GRID1: variants seen among roughly 807,000 people sequenced by gnomAD.
GRID1 encodes the protein glutamate receptor ionotropic, delta-1.
In GRID1, 28 loss-of-function variants were observed where a neutral mutation model predicts 98.0. That is an observed-to-expected ratio of 0.29 (90% confidence interval 0.21 to 0.39). GRID1 has a LOEUF of 0.39. Ranked by LOEUF, GRID1 falls within the 10% of genes least tolerant of loss-of-function variation. The pLI is 1.00. For synonymous variants in GRID1, 553 were observed against 538.5 expected (o/e 1.03, Z -0.37); for missense variants, 1,111 against 1,340.5 (o/e 0.83, Z 2.67).
chr10:85,963,039 G>A (rs1842290676), intron 4 of GRID1, among the ~76,000 whole-genome samples: 1 of 152,176 alleles, frequency 6.6e-6, no homozygotes, highest in Non-Finnish European at 1.5e-5. Context: ...CCCAGCCAGG[G>A]AAGTCTGGAA....
chr10:86,197,537 G>C (rs1032208153), intron 3 of GRID1, among the ~76,000 whole-genome samples: 2 of 152,078 alleles, frequency 1.3e-5, no homozygotes, highest in African/African-American at 4.8e-5. Context: ...TCTGGCAGGA[G>C]GGGGATATCA....
At chr10:85,868,939 G>T in intron 6 of GRID1, 71 bp downstream of exon 6, 1 of 1,343,304 alleles carries the variant, frequency 7.4e-7, no homozygotes, top group Non-Finnish European at 1.1e-6. Flanking sequence ...GCCCCCACAT[G>T]TCTCCCTTGG....
chr10:86,343,503 T>C (rs1252460043), intron 2 of GRID1, among the ~76,000 whole-genome samples: 1 of 152,238 alleles, frequency 6.6e-6, no homozygotes, highest in African/African-American at 2.4e-5. Context: ...ATAGGTACCA[T>C]CGCTCCACTG....
chr10:85,843,915 C>T (rs2131773381), intron 8 of GRID1, among the ~76,000 whole-genome samples: 1 of 152,066 alleles, frequency 6.6e-6, no homozygotes, highest in Middle Eastern at 3.4e-3. Flanking sequence ...TACCATATGA[C>T]ACAGCAATTG....
intron 4 of GRID1, among the ~76,000 whole-genome samples, chr10:85,962,767 T>C (rs1298707087): frequency 1.3e-5 from 2 of 152,196 alleles, no homozygotes; most frequent in Non-Finnish European, 2.9e-5. Flanking sequence ...TAAAAATTTA[T>C]GAAACCACTC....
chr10:86,329,713 T>C (rs967282806), intron 2 of GRID1, among the ~76,000 whole-genome samples: 1 of 152,152 alleles, frequency 6.6e-6, no homozygotes, highest in Admixed American at 6.5e-5. Flanking sequence ...AGGGCCCTGC[T>C]GGGGGTCTCT....
At chr10:86,050,173 CA>C (rs1357388192) in intron 4 of GRID1, among the ~76,000 whole-genome samples, 1 of 152,196 alleles carries the variant, frequency 6.6e-6, no homozygotes, top group Non-Finnish European at 1.5e-5. Flanking sequence ...GACAGGGCGT[CA>C]GTAACACTTT....
intron 8 of GRID1, among the ~76,000 whole-genome samples, chr10:85,733,849 G>A (rs978426900): frequency 2.0e-5 from 3 of 152,144 alleles, no homozygotes; most frequent in African/African-American, 7.2e-5. Context: ...ACGTTAAAAT[G>A]TGATACGTGG....
At chr10:85,666,888 T>C (rs58566615) in intron 12 of GRID1, among the ~76,000 whole-genome samples, 6,835 of 152,210 alleles carry the variant, frequency 0.045, 469 homozygotes, top group African/African-American at 0.15. Context: ...TGGGCTGCCT[T>C]GCCCCTCACT....
chr10:85,892,692 G>A (rs1020330962), intron 5 of GRID1, among the ~76,000 whole-genome samples: 1 of 151,738 alleles, frequency 6.6e-6, no homozygotes, highest in Non-Finnish European at 1.5e-5. Flanking sequence ...TAAAAAAATA[G>A]AATGTGTTCT....
chr10:86,310,450 T>C (rs1469224128), intron 2 of GRID1, among the ~76,000 whole-genome samples: 1 of 152,020 alleles, frequency 6.6e-6, no homozygotes, highest in East Asian at 1.9e-4. Context: ...GGTAGAGGGG[T>C]GGGCAGCAAG....
intron 4 of GRID1, among the ~76,000 whole-genome samples, chr10:86,043,772 T>C (rs1843381072): frequency 6.6e-6 from 1 of 152,258 alleles, no homozygotes; most frequent in South Asian, 2.1e-4. Flanking sequence ...GTTTCCCAAA[T>C]GTCAGCCCTT....
chr10:85,729,009 T>C (rs1157711896), intron 9 of GRID1, among the ~76,000 whole-genome samples: 1 of 152,190 alleles, frequency 6.6e-6, no homozygotes, highest in East Asian at 1.9e-4. Context: ...CTCTTACAAA[T>C]GCAAAAGTCT....
At chr10:85,923,244 G>A (rs1249520657) in intron 4 of GRID1, among the ~76,000 whole-genome samples, 1 of 152,176 alleles carries the variant, frequency 6.6e-6, no homozygotes, top group Non-Finnish European at 1.5e-5. Context: ...TGGGCAGAGG[G>A]AAAAGCAGTT....
chr10:86,293,493 G>A (rs1847545142), intron 2 of GRID1, among the ~76,000 whole-genome samples: 1 of 152,230 alleles, frequency 6.6e-6, no homozygotes, highest in Non-Finnish European at 1.5e-5. Flanking sequence ...ACTTGGCTCT[G>A]CCAAGCAGAG....
intron 3 of GRID1, among the ~76,000 whole-genome samples, chr10:86,151,256 C>T (rs768354392): frequency 1.1e-4 from 16 of 152,158 alleles, no homozygotes; most frequent in Non-Finnish European, 4.4e-5. Flanking sequence ...GTTTGCAATG[C>T]TGAGGTAGGT....
intron 2 of GRID1, among the ~76,000 whole-genome samples, chr10:86,207,820 C>G (rs61857810): frequency 1.3e-5 from 2 of 151,918 alleles, no homozygotes; most frequent in Non-Finnish European, 2.9e-5. Context: ...TTAGTAGAGA[C>G]GGAGTTTCAC....
intron 8 of GRID1, among the ~76,000 whole-genome samples, chr10:85,809,892 C>T (rs577373092): frequency 1.3e-5 from 2 of 152,192 alleles, no homozygotes; most frequent in Non-Finnish European, 2.9e-5. Flanking sequence ...GTAGTCTTTA[C>T]TACAGAAGAA....
chr10:86,241,655 C>G (rs1230730754), intron 2 of GRID1, among the ~76,000 whole-genome samples: 1 of 152,216 alleles, frequency 6.6e-6, no homozygotes, highest in Non-Finnish European at 1.5e-5. Flanking sequence ...ATCAATAGAT[C>G]TTTAATTTTC....
Sources: allele counts gnomAD v4.1 joint callset (sites outside exome capture counted in the v4.1 genomes callset), GRCh38; gene constraint gnomAD v4.1.1; transcripts MANE v1.5; gene names NCBI Gene and HGNC (gene_info 2026-07-23, HGNC 2026-07-21).